The following WWOX variants were observed in gnomAD, a reference collection of about 807,000 sequenced individuals.
WWOX encodes the protein WW domain containing oxidoreductase.
WWOX carries 69 observed loss-of-function variants against 46.2 expected under a neutral mutation model. The ratio of observed to expected loss-of-function variants is 1.49; its 90% CI spans 1.23 to 1.82. WWOX has a LOEUF of 1.82. Ranked by LOEUF, WWOX falls within the 40% of genes most tolerant of loss-of-function variation. The probability of loss-of-function intolerance (pLI) is 0.00; values close to 1 mark genes in which losing one functional copy is unlikely to be tolerated. For synonymous variants in WWOX, 359 were observed against 202.6 expected (o/e 1.77, Z -6.56); for missense variants, 919 against 542.6 (o/e 1.69, Z -6.89).
intron 8 of WWOX, among the ~76,000 whole-genome samples, chr16:79,036,236 G>C (rs942598779): frequency 1.3e-5 from 2 of 152,182 alleles, no homozygotes; most frequent in African/African-American, 2.4e-5. Flanking sequence ...TCCCCACTCT[G>C]TCAACCATGC....
intron 7 of WWOX, among the ~76,000 whole-genome samples, chr16:78,430,916 T>A (rs1162603098): frequency 1.3e-5 from 2 of 152,234 alleles, no homozygotes; most frequent in Non-Finnish European, 2.9e-5. Context: ...TATTAAGGAA[T>A]AATAGGATAA....
At chr16:78,322,693 C>G (rs771154308) in intron 5 of WWOX, among the ~76,000 whole-genome samples, 1 of 152,212 alleles carries the variant, frequency 6.6e-6, no homozygotes, top group Admixed American at 6.5e-5. Context: ...AACAAAGTTA[C>G]TCTGTGGAGC....
chr16:78,501,953 C>G (rs1165500627), intron 8 of WWOX, among the ~76,000 whole-genome samples: 1 of 152,144 alleles, frequency 6.6e-6, no homozygotes, highest in African/African-American at 2.4e-5. Flanking sequence ...ATTTCGGTTC[C>G]TCTCAGAGTT....
chr16:78,250,837 C>A (rs2037965291), intron 5 of WWOX, among the ~76,000 whole-genome samples: 2 of 152,184 alleles, frequency 1.3e-5, no homozygotes, highest in Non-Finnish European at 2.9e-5. Context: ...GTTTATATCA[C>A]ACCTTCACTT....
intron 1 of WWOX, among the ~76,000 whole-genome samples, chr16:78,102,558 G>C (rs1315385373): frequency 6.6e-6 from 1 of 152,218 alleles, no homozygotes; most frequent in African/African-American, 2.4e-5. Context: ...GGCACTTGCT[G>C]TTCCTCTCAC....
intron 8 of WWOX, among the ~76,000 whole-genome samples, chr16:79,021,034 T>C (rs1375287799): frequency 6.6e-6 from 1 of 152,148 alleles, no homozygotes; most frequent in African/African-American, 2.4e-5. Context: ...TACACAAGCT[T>C]CAAAAAGTTT....
At chr16:79,191,487 G>A (rs1308180184) in intron 8 of WWOX, among the ~76,000 whole-genome samples, 1 of 152,008 alleles carries the variant, frequency 6.6e-6, no homozygotes. Flanking sequence ...AGCTACAACT[G>A]CACAAAGAAT....
At chr16:78,294,373 G>T (rs2079908851) in intron 5 of WWOX, among the ~76,000 whole-genome samples, 3 of 151,842 alleles carry the variant, frequency 2.0e-5, no homozygotes, top group Admixed American at 2.0e-4. Context: ...GAAAAATGTT[G>T]TTCCTGGTCT....
In WWOX at chr16:78,164,184, G is replaced by T. The variant is rs1172090882; in HGVS notation, c.411G>T (p.Gly137=). 2.5e-6 allele frequency: 4 copies of T among 1,613,750 alleles called. No homozygotes were observed. The highest frequency in any genetic ancestry group is 2.2e-5 in the South Asian group (2 of 90,890). Residue 137 remains glycine (G), a splice_region_variant and synonymous_variant, in exon 5 of 9, where the codon GGG becomes GGT. Transcript: ENST00000566780. The part of the protein sequence containing the change: ...VVVTGANSGI[G]FETAKSFALH... ...CATTGACTTTCCTTTAAACCATAGG[G>T]TTCGAAACCGCCAAGTCTTTTGCCC...
intron 8 of WWOX, among the ~76,000 whole-genome samples, chr16:79,064,827 T>C (rs1348934915): frequency 1.3e-5 from 2 of 152,206 alleles, no homozygotes; most frequent in Non-Finnish European, 2.9e-5. Context: ...ATTTATGAAT[T>C]ATCTGCCCTG....
At chr16:78,705,970 C>T (rs535358762) in intron 8 of WWOX, among the ~76,000 whole-genome samples, 3 of 150,872 alleles carry the variant, frequency 2.0e-5, no homozygotes, top group African/African-American at 7.3e-5. Context: ...AGATGCTGTG[C>T]GTACAGCAGT....
chr16:79,158,675 G>A (rs187458739), intron 8 of WWOX, among the ~76,000 whole-genome samples: 3 of 152,282 alleles, frequency 2.0e-5, no homozygotes, highest in East Asian at 3.9e-4. Context: ...CCCCAGCTTT[G>A]CACACCTGAT....
chr16:78,922,163 A>G (rs990519344), intron 8 of WWOX, among the ~76,000 whole-genome samples: 1 of 151,992 alleles, frequency 6.6e-6, no homozygotes, highest in African/African-American at 2.4e-5. Flanking sequence ...CACATATTTG[A>G]TCTCAGCCTC....
intron 8 of WWOX, among the ~76,000 whole-genome samples, chr16:78,827,653 T>A (rs1202212001): frequency 6.8e-6 from 1 of 146,826 alleles, no homozygotes; most frequent in East Asian, 2.0e-4. Flanking sequence ...GCCAACATGG[T>A]GAAACCCCAT....
Position 78,590,664 on chromosome 16 carries a change from T to A in WWOX, c.1056+157912T>A, listed in dbSNP as rs371180009. Among the ~76,000 whole-genome samples, 92 of 152,194 alleles carry A rather than the reference T, an allele frequency of 6.0e-4. 1 individual carries two copies. The highest frequency in any genetic ancestry group is 2.1e-3 in the African/African-American group (89 of 41,458). On this transcript the variant is annotated intron_variant, in intron 8 of 8. Transcript: ENST00000566780. ...GTAACTCAGTAAAACAGTTTAGAAA[T>A]TTAAAGCCTTTGGAGAGAGTAAGTA...
At position 79,136,260 on chromosome 16, in the gene WWOX, C is replaced by G. The variant is rs531110698; in HGVS notation, c.1057-75348C>G. Among the ~76,000 whole-genome samples the G allele has an allele frequency of 3.3e-5, 5 of 149,556 alleles. No individual in the cohort carries two copies. The East Asian group carries it at 9.9e-4, about 29-fold the overall frequency. ...TTTTTTTTTTTTTTTAAGACGGAGT[C>G]TTGCTCTTTTGCCAGGCTGGAGTGC... On this transcript the variant is annotated intron_variant, in intron 8 of 8. Coordinates refer to ENST00000566780, the MANE Select transcript of WWOX (RefSeq NM_016373.4).
chr16:78,484,164 A>T lies in WWOX; in HGVS notation c.1056+51412A>T, dbSNP rs199634934. Among the ~76,000 whole-genome samples the T allele has an allele frequency of 3.9e-5, 6 of 152,370 alleles. No individual in the cohort carries two copies. In the East Asian group the frequency reaches 1.2e-3, roughly 29 times the overall value. On this transcript the variant is annotated intron_variant, in intron 8 of 8. Coordinates refer to ENST00000566780, the MANE Select transcript of WWOX (RefSeq NM_016373.4). ...GCTTTGTATAAACATATGAATTTGT[A>T]GGAGCTGCTCTTAATGATTATTACT...
intron 8 of WWOX, among the ~76,000 whole-genome samples, chr16:78,985,356 A>G (rs16949152): frequency 0.15 from 23,304 of 152,190 alleles, 2,101 homozygotes; most frequent in East Asian, 0.45. Flanking sequence ...GTTGTCTCCA[A>G]TGTGCCTTGT....
chr16:78,363,754 GT>G (rs1406938671), intron 5 of WWOX, among the ~76,000 whole-genome samples: 1 of 152,176 alleles, frequency 6.6e-6, no homozygotes, highest in African/African-American at 2.4e-5. Flanking sequence ...TGGAGTAGAT[GT>G]TAGCAACATC....
Sources: gnomAD v4.1 joint callset for allele counts (sites outside exome capture counted in the v4.1 genomes callset) on GRCh38, gnomAD v4.1.1 for gene constraint, MANE v1.5 for transcripts, NCBI Gene and HGNC (gene_info 2026-07-23, HGNC 2026-07-21) for gene names.